CSMD2: variants seen among roughly 807,000 people sequenced by gnomAD.
The protein encoded by CSMD2 is CUB and sushi domain-containing protein 2.
Under a neutral mutation model 398.5 loss-of-function variants are expected in CSMD2, and 130 were observed. The observed-to-expected ratio is 0.33, with a 90% CI of 0.28 to 0.38. CSMD2 has a LOEUF of 0.38. Among genes scored for constraint, CSMD2 ranks in the 10% least tolerant of loss-of-function variants. The pLI, the probability that CSMD2 is intolerant of heterozygous loss-of-function variation, is 1.00. For synonymous variants in CSMD2, 1,828 were observed against 1,908.5 expected (o/e 0.96, Z 1.10); for missense variants, 3,829 against 4,764.9 (o/e 0.80, Z 5.78).
intron 1 of CSMD2, among the ~76,000 whole-genome samples, chr1:34,126,985 T>C (rs932269831): frequency 6.6e-6 from 1 of 150,486 alleles, no homozygotes; most frequent in Non-Finnish European, 1.5e-5. Context: ...CAACGGCAGA[T>C]AGAGAGTGAG....
At chr1:33,674,840 A>G (rs1233338755) in intron 25 of CSMD2, among the ~76,000 whole-genome samples, 2 of 152,246 alleles carry the variant, frequency 1.3e-5, no homozygotes, top group Non-Finnish European at 2.9e-5. Flanking sequence ...AAACTGAACA[A>G]TCTGCTCCTG....
At chr1:34,064,632 T>A (rs1654905460) in intron 2 of CSMD2, among the ~76,000 whole-genome samples, 1 of 152,172 alleles carries the variant, frequency 6.6e-6, no homozygotes, top group East Asian at 1.9e-4. Context: ...TTTCACAGAT[T>A]TTCTTGTCTT....
Position 33,537,199 on chromosome 1 carries a change from T to G in CSMD2, c.9806-104A>C. On this transcript the variant is annotated intron_variant, in intron 61 of 70. Transcript: ENST00000373381. The surrounding 1 kb of genome is among the most constrained non-coding windows in gnomAD (Gnocchi z 4.6). ...TAGAAAAGAAAATGCGGCCACATCC[T>G]GACTTCCCTGCCCACTGAGATCCCC... 1 of 1,317,386 alleles carries G rather than the reference T, an allele frequency of 7.6e-7. No individual in the cohort carries two copies. The highest frequency in any genetic ancestry group is 1.3e-5 in the South Asian group (1 of 79,668). The allele number at this position is 1,317,386 out of a possible 1,614,324, so 81.6% of individuals were successfully genotyped here. A position where few individuals can be genotyped will look rare whatever the true frequency, so the allele number is the denominator to read the frequency against.
At chr1:33,704,879 T>C (rs111714237) in intron 22 of CSMD2, among the ~76,000 whole-genome samples, 8,022 of 151,612 alleles carry the variant, frequency 0.053, 599 homozygotes, top group African/African-American at 0.16. Flanking sequence ...TCTCCTGCCC[T>C]AGCTTCCCAA....
chr1:34,138,541 T>TA, intron 1 of CSMD2, among the ~76,000 whole-genome samples: 1 of 152,356 alleles, frequency 6.6e-6, no homozygotes, highest in East Asian at 1.9e-4. Flanking sequence ...ACTTCTCTCT[T>TA]ACGGTTGGCC....
Position 33,624,388 on chromosome 1 carries a change from G to C in CSMD2, c.5625+131C>G. ...CCTTAGCCGCAGGGGCAGGTACAGGGCTGATATGTCTCTTCCTGGCTCACC... is the reference window on the plus strand; with the variant it reads ...CCTTAGCCGCAGGGGCAGGTACAGGCCTGATATGTCTCTTCCTGGCTCACC... On this transcript the variant is annotated intron_variant, in intron 35 of 70. Coordinates refer to ENST00000373381, the MANE Select transcript of CSMD2 (RefSeq NM_001281956.2). The surrounding 1 kb of genome is among the most constrained non-coding windows in gnomAD (Gnocchi z 4.7). 6.0e-6 allele frequency: 7 copies of C among 1,170,476 alleles called. No individual in the cohort carries two copies. Among genetic ancestry groups the C allele is most frequent in the Non-Finnish European group, 8.5e-6 (7 of 824,994 alleles). The allele number at this position is 1,170,476 out of a possible 1,614,324, so 72.5% of individuals were successfully genotyped here.
chr1:33,798,744 G>C (rs1014597210), intron 10 of CSMD2, among the ~76,000 whole-genome samples: 1 of 152,192 alleles, frequency 6.6e-6, no homozygotes, highest in Non-Finnish European at 1.5e-5. Context: ...GAGAAATTAG[G>C]GGGTGTCACA....
In CSMD2 at chr1:33,724,628, G is replaced by A. The variant is rs367756658; in HGVS notation, c.2772C>T (p.Tyr924=). The A allele has an allele frequency of 1.5e-5, 25 of 1,614,038 alleles. No individual in the cohort carries two copies. The highest frequency in any genetic ancestry group is 1.5e-4 in the South Asian group (14 of 91,084). ...AGCTGAAGGTCACCAGCGCGCCCAC[G>A]TAGAAGTCATTCCCATGACGCTGTC... ...VNGQRHGNDF[Y]VGALVTFSCD... The change falls in exon 18 of 71, where the codon TAC becomes TAT. Residue 924 remains tyrosine (Y), a synonymous_variant. Coordinates refer to ENST00000373381, the MANE Select transcript of CSMD2 (RefSeq NM_001281956.2).
At chr1:33,688,162 T>C (rs1645117520) in intron 25 of CSMD2, among the ~76,000 whole-genome samples, 1 of 152,170 alleles carries the variant, frequency 6.6e-6, no homozygotes, top group African/African-American at 2.4e-5. Context: ...GCTGAAAAGA[T>C]TCACTTATTC....
chr1:33,614,743 G>A lies in CSMD2; in HGVS notation c.6017-123C>T, dbSNP rs187424386. 7.5e-5 allele frequency: 46 copies of A among 612,620 alleles called. 2 individuals carry two copies. In the Admixed American group the frequency reaches 1.1e-3, roughly 15 times the overall value. The allele number at this position is 612,620 out of a possible 1,614,324, so 37.9% of individuals were successfully genotyped here. Reference sequence around the variant, plus strand: ...GCTTTCATGAGTCATATAGCCCCTTGAGAATCCAAAGGAATCTTCTTAAAA... The same window carrying A: ...GCTTTCATGAGTCATATAGCCCCTTAAGAATCCAAAGGAATCTTCTTAAAA... On this transcript the variant is annotated intron_variant, in intron 39 of 70. Coordinates refer to ENST00000373381, the MANE Select transcript of CSMD2 (RefSeq NM_001281956.2).
chr1:33,743,302 C>T lies in CSMD2; in HGVS notation c.2151G>A (p.Arg717=), dbSNP rs780502661. Residue 717 remains arginine (R), a synonymous_variant, in exon 14 of 71, where the codon AGG becomes AGA. Coordinates refer to ENST00000373381, the MANE Select transcript of CSMD2 (RefSeq NM_001281956.2). ...EFQTDHSTGK[R]GFNITFTTFR... ...CACTGGTAAAAGTGATGTTGAAGCC[C>T]CTCTTCCCTGTGGAGTGGTCAGTCT... 1.4e-5 allele frequency: 22 copies of T among 1,609,250 alleles called. No homozygotes were observed. Among genetic ancestry groups the T allele is most frequent in the Non-Finnish European group, 1.9e-5 (22 of 1,176,772 alleles).
intron 5 of CSMD2, among the ~76,000 whole-genome samples, chr1:33,857,786 T>A (rs376700747): frequency 6.6e-6 from 1 of 152,100 alleles, no homozygotes; most frequent in Non-Finnish European, 1.5e-5. Flanking sequence ...AAAGAAGGAA[T>A]GTGCTCAAAA....
At position 33,625,088 on chromosome 1, in the gene CSMD2, G is replaced by C. The variant is rs1052435376; in HGVS notation, c.5463C>G (p.Ala1821=). 1 of 1,614,030 alleles carries C rather than the reference G, an allele frequency of 6.2e-7. No homozygotes were observed. The change falls in exon 34 of 71, where the codon GCC becomes GCG. Residue 1821 remains alanine (A), a synonymous_variant. Transcript: ENST00000373381. ...GCGCTGAGACATTCCATTGGGCCAA[G>C]GCCCCAGGCACAGGGAGGCACTCGA... is the stretch of plus-strand genomic sequence containing the variant. ...PEIECLPVPG[A]LAQWNVSAPT... is the part of the protein sequence containing the mutation.
chr1:33,663,503 A>T (rs921335600), intron 25 of CSMD2, among the ~76,000 whole-genome samples: 14 of 152,200 alleles, frequency 9.2e-5, no homozygotes, highest in Admixed American at 4.6e-4. Flanking sequence ...AAAAAAAAAA[A>T]AATAATTGGG....
At chr1:33,716,171 A>G in intron 20 of CSMD2, 115 bp downstream of exon 20, 1 of 860,336 alleles carries the variant, frequency 1.2e-6, no homozygotes, top group South Asian at 1.7e-5. Flanking sequence ...TCAACTTCCC[A>G]GGGACTGGAG....
At chr1:33,982,809 G>A (rs1016943137) in intron 3 of CSMD2, among the ~76,000 whole-genome samples, 2 of 152,176 alleles carry the variant, frequency 1.3e-5, no homozygotes, top group African/African-American at 4.8e-5. Context: ...AGGGAGGGCT[G>A]GCAAAGATGT....
Position 33,639,025 on chromosome 1 carries a change from A to C in CSMD2, c.4775-2471T>G, listed in dbSNP as rs1250999462. Among the ~76,000 whole-genome samples, 4 of 152,232 alleles carry C rather than the reference A, an allele frequency of 2.6e-5. No homozygotes were observed. The East Asian group carries it at 7.7e-4, about 29-fold the overall frequency. On this transcript the variant is annotated intron_variant, in intron 29 of 70. Transcript: ENST00000373381. ...AATATCTTCAGTGGATTATTGTGGAACTTTTAAAAAGACTGTTTAAGGGAA... is the reference window on the plus strand; with the variant it reads ...AATATCTTCAGTGGATTATTGTGGACCTTTTAAAAAGACTGTTTAAGGGAA...
intron 6 of CSMD2, chr1:33,839,333 A>G (rs1195794284): frequency 6.6e-6 from 1 of 152,226 alleles, no homozygotes; most frequent in Non-Finnish European, 1.5e-5. Context: ...ATAGGATAAA[A>G]GTTGGCATTT....
intron 5 of CSMD2, among the ~76,000 whole-genome samples, chr1:33,907,213 G>C (rs1643148381): frequency 6.6e-6 from 1 of 150,816 alleles, no homozygotes; most frequent in African/African-American, 2.4e-5. Context: ...CTGCCTCCTG[G>C]CTTTGCGCCA....
Sources: gnomAD v4.1 joint callset for allele counts (sites outside exome capture counted in the v4.1 genomes callset) on GRCh38, gnomAD v4.1.1 for gene constraint, Gnocchi (gnomAD v3.1) non-coding constraint, MANE v1.5 for transcripts, NCBI Gene and HGNC (gene_info 2026-07-23, HGNC 2026-07-21) for gene names.